SDK1: variants seen among roughly 807,000 people sequenced by gnomAD.
SDK1 encodes the protein sidekick cell adhesion molecule 1, also known as protein sidekick-1.
Under a neutral mutation model 245.5 loss-of-function variants are expected in SDK1, and 157 were observed. That is an observed-to-expected ratio of 0.64 (90% CI 0.56 to 0.73). SDK1 has a LOEUF of 0.73. Ranked by LOEUF, SDK1 falls within the 30% of genes least tolerant of loss-of-function variation. SDK1 has a pLI of 0.00. For missense variants in SDK1, 3,583 were observed against 3,002.3 expected, an observed-to-expected ratio of 1.19 and a Z score of -4.52; for synonymous variants, 1,647 against 1,278.5, an observed-to-expected ratio of 1.29 and a Z score of -6.15.
intron 14 of SDK1, among the ~76,000 whole-genome samples, chr7:4,000,106 C>G (rs1204537466): frequency 1.3e-5 from 2 of 152,152 alleles, no homozygotes; most frequent in Non-Finnish European, 2.9e-5. Context: ...TCCCGAATTG[C>G]TGATGGGGTT....
intron 1 of SDK1, among the ~76,000 whole-genome samples, chr7:3,462,595 C>G (rs982993795): frequency 1.3e-5 from 2 of 152,152 alleles, no homozygotes; most frequent in Admixed American, 6.5e-5. Context: ...ATCTCAAACT[C>G]AACTCGAACT....
intron 1 of SDK1, among the ~76,000 whole-genome samples, chr7:3,344,037 C>G (rs1350693721): frequency 8.0e-6 from 1 of 125,420 alleles, no homozygotes; most frequent in Non-Finnish European, 1.7e-5. Flanking sequence ...AAAAAAAAAA[C>G]TAGAAATGCA....
intron 1 of SDK1, among the ~76,000 whole-genome samples, chr7:3,456,671 A>C (rs1780678408): frequency 6.6e-6 from 1 of 152,074 alleles, no homozygotes; most frequent in South Asian, 2.1e-4. Flanking sequence ...AATCCTTGTC[A>C]GATAATTCCA....
At chr7:3,642,885 AGAT>A (rs1467814957) in intron 4 of SDK1, 3 of 152,268 alleles carry the variant, frequency 2.0e-5, no homozygotes, top group Admixed American at 1.3e-4. Context: ...GCCAGAAGTC[AGAT>A]ATTTATGCCA....
At chr7:4,257,911 T>C (rs1787728252) in intron 44 of SDK1, among the ~76,000 whole-genome samples, 1 of 150,610 alleles carries the variant, frequency 6.6e-6, no homozygotes, top group African/African-American at 2.5e-5. Flanking sequence ...ATCACGGTTT[T>C]CTGAGAGGCA....
chr7:3,666,511 G>C lies in SDK1; in HGVS notation c.713+24406G>C, dbSNP rs141766402. On this transcript the variant is annotated intron_variant, in intron 4 of 44. Coordinates refer to ENST00000404826, the MANE Select transcript of SDK1 (RefSeq NM_152744.4). Reference sequence around the variant, plus strand: ...GCCGACACACAGCAGGTTCAGTGTGGTTTCCCTGGGGTCTGGCGACACCTC... The same window carrying C: ...GCCGACACACAGCAGGTTCAGTGTGCTTTCCCTGGGGTCTGGCGACACCTC... Among the ~76,000 whole-genome samples the C allele has an allele frequency of 1.4e-4, 21 of 152,274 alleles. No homozygotes were observed. In the East Asian group the frequency reaches 4.1e-3, roughly 29 times the overall value.
chr7:3,322,982 G>A (rs904696374), intron 1 of SDK1, among the ~76,000 whole-genome samples: 17 of 151,998 alleles, frequency 1.1e-4, no homozygotes, highest in African/African-American at 4.1e-4. Flanking sequence ...GCTCATTTTT[G>A]TTTTTGTTTT....
chr7:3,852,385 C>A (rs772690999), intron 5 of SDK1, among the ~76,000 whole-genome samples: 53 of 151,882 alleles, frequency 3.5e-4, no homozygotes, highest in Non-Finnish European at 6.2e-4. Flanking sequence ...TCACCACTGC[C>A]AACACATCAG....
chr7:3,514,967 C>T (rs1237369050), intron 1 of SDK1, among the ~76,000 whole-genome samples: 2 of 152,168 alleles, frequency 1.3e-5, no homozygotes, highest in Non-Finnish European at 2.9e-5. Flanking sequence ...ACAATAATCA[C>T]TTGGGCCCTT....
intron 5 of SDK1, among the ~76,000 whole-genome samples, chr7:3,912,389 G>C (rs1779204345): frequency 6.6e-6 from 1 of 152,190 alleles, no homozygotes; most frequent in African/African-American, 2.4e-5. Flanking sequence ...GTGCACAGTA[G>C]GCACTCAGTG....
intron 2 of SDK1, among the ~76,000 whole-genome samples, chr7:3,628,955 A>G (rs1315120532): frequency 6.6e-6 from 1 of 152,014 alleles, no homozygotes; most frequent in Non-Finnish European, 1.5e-5. Flanking sequence ...GAGAGTTTGG[A>G]AAGATCAAGG....
intron 5 of SDK1, among the ~76,000 whole-genome samples, chr7:3,840,259 C>T (rs986528423): frequency 3.3e-5 from 5 of 151,784 alleles, no homozygotes; most frequent in Middle Eastern, 3.2e-3. Context: ...GTGGGAGGAG[C>T]GGAAGAGGAG....
chr7:3,930,358 T>C (rs797012071), intron 5 of SDK1, among the ~76,000 whole-genome samples: 24 of 152,316 alleles, frequency 1.6e-4, no homozygotes, highest in African/African-American at 5.1e-4. Context: ...TGCAGGGTCT[T>C]GATTCCACCC....
intron 5 of SDK1, among the ~76,000 whole-genome samples, chr7:3,846,611 C>T (rs1027108207): frequency 5.3e-5 from 8 of 152,188 alleles, no homozygotes; most frequent in African/African-American, 1.7e-4. Flanking sequence ...TGGACTCATT[C>T]TTATTTACCT....
intron 14 of SDK1, among the ~76,000 whole-genome samples, chr7:3,999,565 C>T (rs764900865): frequency 2.0e-5 from 3 of 152,042 alleles, no homozygotes; most frequent in Non-Finnish European, 4.4e-5. Context: ...CCTGGTGCCT[C>T]GGGGCGGGGG....
At chr7:3,381,131 G>A (rs944034711) in intron 1 of SDK1, among the ~76,000 whole-genome samples, 4 of 152,134 alleles carry the variant, frequency 2.6e-5, no homozygotes, top group African/African-American at 7.2e-5. Flanking sequence ...TACAGAGTAA[G>A]AAGAGAATCC....
At chr7:3,766,904 T>C (rs1169971594) in intron 4 of SDK1, among the ~76,000 whole-genome samples, 2 of 152,228 alleles carry the variant, frequency 1.3e-5, no homozygotes, top group African/African-American at 4.8e-5. Flanking sequence ...TTTAACAATA[T>C]GCCCAAAAGT....
intron 1 of SDK1, among the ~76,000 whole-genome samples, chr7:3,584,931 A>G (rs1780635888): frequency 6.6e-6 from 1 of 151,946 alleles, no homozygotes; most frequent in Admixed American, 6.6e-5. Flanking sequence ...TCACCGTGTT[A>G]GCCAGGATGG....
At chr7:4,009,676 G>C (rs1785783281) in intron 14 of SDK1, among the ~76,000 whole-genome samples, 2 of 152,232 alleles carry the variant, frequency 1.3e-5, no homozygotes, top group African/African-American at 2.4e-5. Flanking sequence ...TAATTAAAAA[G>C]ATCCCATCTT....
Sources: gnomAD v4.1 joint callset for allele counts (sites outside exome capture counted in the v4.1 genomes callset) on GRCh38, gnomAD v4.1.1 for gene constraint, MANE v1.5 for transcripts, NCBI Gene and HGNC (gene_info 2026-07-23, HGNC 2026-07-21) for gene names.